Variants in ATAD2B observed in about 807,000 individuals in gnomAD.
ATAD2B encodes ATPase family AAA domain containing 2B.
In ATAD2B, 40 loss-of-function variants were observed where a neutral mutation model predicts 167.6. That is an observed-to-expected ratio of 0.24 (90% confidence interval 0.19 to 0.31). ATAD2B has a LOEUF of 0.31. ATAD2B is among the 10% of genes least tolerant of loss of function. ATAD2B has a pLI of 1.00. For synonymous variants in ATAD2B, 579 were observed against 596.5 expected (o/e 0.97, Z 0.43); for missense variants, 1,242 against 1,757.2 (o/e 0.71, Z 5.24).
intron 2 of ATAD2B, among the ~76,000 whole-genome samples, chr2:23,889,573 T>A (rs1699173621): frequency 1.3e-5 from 2 of 152,064 alleles, no homozygotes; most frequent in South Asian, 4.1e-4. Context: ...ATATTGTACA[T>A]CACAATACCC....
intron 21 of ATAD2B, among the ~76,000 whole-genome samples, 154 bp from the exon 22 acceptor site, chr2:23,783,182 A>G (rs1485551790): frequency 6.6e-6 from 1 of 152,046 alleles, no homozygotes; most frequent in Admixed American, 6.6e-5. Flanking sequence ...TTATGCTACC[A>G]AAGTTACTAT....
intron 22 of ATAD2B, among the ~76,000 whole-genome samples, chr2:23,773,323 T>C (rs1244717822): frequency 5.3e-5 from 8 of 152,042 alleles, no homozygotes; most frequent in African/African-American, 2.4e-5. Flanking sequence ...CTGAGCAACA[T>C]AGGGAGACCC....
chr2:23,862,957 G>A (rs563753015), intron 12 of ATAD2B, among the ~76,000 whole-genome samples: 63 of 152,192 alleles, frequency 4.1e-4, no homozygotes, highest in African/African-American at 1.3e-3. Context: ...TGCCTCTAAG[G>A]CATACAATCA....
At chr2:23,839,045 T>C (rs1299003128) in intron 13 of ATAD2B, among the ~76,000 whole-genome samples, 3 of 152,164 alleles carry the variant, frequency 2.0e-5, no homozygotes, top group Admixed American at 6.5e-5. Context: ...GCTAATGAGA[T>C]TGCAAACAGT....
intron 15 of ATAD2B, among the ~76,000 whole-genome samples, chr2:23,825,499 G>GA (rs1192805035): frequency 6.6e-6 from 1 of 151,938 alleles, no homozygotes; most frequent in Non-Finnish European, 1.5e-5. Context: ...AAGAAACCTG[G>GA]AAAAAAATTA....
In ATAD2B at chr2:23,754,777, A is replaced by G; in HGVS notation, c.4079-3T>C. 1 of 1,608,134 alleles carries G rather than the reference A, an allele frequency of 6.2e-7. No individual in the cohort carries two copies. Reference sequence around the variant, plus strand: ...GTATTTCTTTACTTTAGAAGCACCTATAATTGAGACAAAAAAATACACTGC... The same window carrying G: ...GTATTTCTTTACTTTAGAAGCACCTGTAATTGAGACAAAAAAATACACTGC... On this transcript the variant is annotated splice_polypyrimidine_tract_variant and splice_region_variant and intron_variant, in intron 25 of 27. Coordinates refer to ENST00000238789, the MANE Select transcript of ATAD2B (RefSeq NM_017552.4).
At chr2:23,858,184 A>C (rs2149983896) in intron 12 of ATAD2B, among the ~76,000 whole-genome samples, 1 of 151,028 alleles carries the variant, frequency 6.6e-6, no homozygotes, top group East Asian at 2.0e-4. Flanking sequence ...ACAGTGGTGC[A>C]ATCTTGGTTC....
the ATAD2B span, chr2:23,696,173 G>T: frequency 3.3e-6 from 5 of 1,535,056 alleles, no homozygotes; most frequent in East Asian, 2.5e-5. The surrounding 1 kb of genome is among the most constrained non-coding windows in gnomAD (Gnocchi z 5.5). Context: ...AGGCATGGGG[G>T]TCCCAAGGGG....
intron 13 of ATAD2B, among the ~76,000 whole-genome samples, chr2:23,834,544 A>C (rs1212888384): frequency 1.3e-5 from 2 of 151,728 alleles, no homozygotes; most frequent in Non-Finnish European, 2.9e-5. Flanking sequence ...AATTATTTTC[A>C]AAGGCATTCA....
chr2:23,679,813 A>G, the ATAD2B span, among the ~76,000 whole-genome samples: 12 of 152,328 alleles, frequency 7.9e-5, no homozygotes, highest in African/African-American at 2.6e-4. Context: ...GAAGGAGGCA[A>G]AGAGGCCCAG....
At chr2:23,919,050 G>T (rs917107223) in intron 1 of ATAD2B, among the ~76,000 whole-genome samples, 3 of 152,108 alleles carry the variant, frequency 2.0e-5, no homozygotes, top group Admixed American at 2.0e-4. Context: ...TAGCAAAAAA[G>T]AAAGATTGTC....
chr2:23,881,285 A>G (rs1051731063), intron 6 of ATAD2B, among the ~76,000 whole-genome samples: 2 of 152,032 alleles, frequency 1.3e-5, no homozygotes, highest in African/African-American at 4.8e-5. Flanking sequence ...AAGTGCACAT[A>G]AGCATTGAGA....
intron 13 of ATAD2B, among the ~76,000 whole-genome samples, chr2:23,851,331 C>T (rs975379058): frequency 5.3e-5 from 8 of 152,062 alleles, no homozygotes; most frequent in South Asian, 4.1e-4. Context: ...AGTAGAGACA[C>T]GGTTTTGCCA....
At chr2:23,775,222 ATT>A (rs151072060) in intron 22 of ATAD2B, among the ~76,000 whole-genome samples, 1 of 147,082 alleles carries the variant, frequency 6.8e-6, no homozygotes, top group Non-Finnish European at 1.5e-5. Context: ...TTTATGTTTT[ATT>A]TTTTTTTTTG....
Position 23,786,210 on chromosome 2 carries a change from C to G in ATAD2B, c.2790G>C (p.Met930Ile). ...AAGGTAGTGCAAGAGGAAGCACTTC[C>G]ATAGCACAAAGAGCTAGAGAAAACA... ...PRRKHAALCAMEVLPLALPSP... is the reference protein window; with the variant it reads ...PRRKHAALCAIEVLPLALPSP... The change falls in exon 21 of 28, where the codon ATG (methionine) becomes ATC (isoleucine). Residue 930 changes from methionine (M) to isoleucine (I), a missense_variant. This residue lies in a region of ATAD2B where 204 missense variants were observed against 324.0 expected (regional missense o/e 0.63). Transcript: ENST00000238789. The G allele has an allele frequency of 6.3e-7, 1 of 1,578,440 alleles. No individual in the cohort carries two copies. Among genetic ancestry groups the G allele is most frequent in the Non-Finnish European group, 8.6e-7 (1 of 1,161,432 alleles).
intron 22 of ATAD2B, among the ~76,000 whole-genome samples, chr2:23,780,808 G>A (rs1046039253): frequency 5.9e-5 from 9 of 152,176 alleles, no homozygotes; most frequent in South Asian, 2.1e-4. Context: ...GGTGAGGCAC[G>A]AGAAAGAATC....
At chr2:23,899,824 T>C (rs1700586466) in intron 1 of ATAD2B, among the ~76,000 whole-genome samples, 1 of 149,018 alleles carries the variant, frequency 6.7e-6, no homozygotes, top group South Asian at 2.1e-4. Context: ...CTCCCAAACT[T>C]GTGATCCGCC....
intron 15 of ATAD2B, 111 bp from the exon 16 acceptor site, chr2:23,823,680 ATAAC>A: frequency 1.0e-6 from 1 of 952,588 alleles, no homozygotes; most frequent in South Asian, 2.1e-5. Context: ...TACTAAATCA[ATAAC>A]TATGTGCAAT....
In ATAD2B at chr2:23,874,827, C is replaced by T. The variant is rs568090064; in HGVS notation, c.977+1002G>A. On this transcript the variant is annotated intron_variant, in intron 8 of 27. Transcript: ENST00000238789. ...ATGCCAGCACTTTGGGAGGCCAAGG[C>T]AGGCGGATCAGGAGGTCAGGAGATC... 6.7e-4 allele frequency among the ~76,000 whole-genome samples: 102 copies of T among 152,174 alleles called. 2 individuals are homozygous for T. The highest frequency in any genetic ancestry group is 3.4e-3 in the Middle Eastern group (1 of 294).
Sources: allele counts gnomAD v4.1 joint callset (sites outside exome capture counted in the v4.1 genomes callset), GRCh38; gene constraint gnomAD v4.1.1; regional missense constraint gnomAD v4.1.1; non-coding constraint Gnocchi (gnomAD v3.1); transcripts MANE v1.5; gene names NCBI Gene and HGNC (gene_info 2026-07-23, HGNC 2026-07-21).